The following NRXN1 variants were observed in gnomAD, a reference collection of about 807,000 sequenced individuals.
The protein encoded by NRXN1 is neurexin-1.
In NRXN1, 39 loss-of-function variants were observed where a neutral mutation model predicts 150.9. The observed-to-expected ratio is 0.26, with a 90% CI of 0.20 to 0.34. The LOEUF is 0.34. NRXN1 is among the 10% of genes least tolerant of loss of function. NRXN1 has a pLI of 1.00. For missense variants in NRXN1, 1,815 were observed against 1,949.9 expected, an observed-to-expected ratio of 0.93 and a Z score of 1.30; for synonymous variants, 924 against 757.0, an observed-to-expected ratio of 1.22 and a Z score of -3.62.
chr2:50,850,201 C>T (rs1674311408), intron 5 of NRXN1, among the ~76,000 whole-genome samples: 2 of 148,830 alleles, frequency 1.3e-5, no homozygotes, highest in Non-Finnish European at 3.0e-5. Flanking sequence ...GCACTCCAGC[C>T]TGGGCAACAG....
chr2:50,424,929 T>C (rs551303644), intron 17 of NRXN1, among the ~76,000 whole-genome samples: 4 of 152,350 alleles, frequency 2.6e-5, no homozygotes, highest in African/African-American at 9.6e-5. Flanking sequence ...ACCAATTCAC[T>C]GTAGTTCTTC....
intron 19 of NRXN1, among the ~76,000 whole-genome samples, chr2:50,070,150 G>A (rs1013885173): frequency 3.3e-5 from 5 of 151,636 alleles, no homozygotes; most frequent in African/African-American, 7.3e-5. Context: ...GCGCCTGGCC[G>A]AGATTTCAGT....
chr2:50,140,248 G>T (rs1158840047), intron 18 of NRXN1, among the ~76,000 whole-genome samples: 1 of 151,996 alleles, frequency 6.6e-6, no homozygotes, highest in Non-Finnish European at 1.5e-5. Context: ...TGACTTCAGG[G>T]ACCAATACAA....
At chr2:50,578,967 A>C (rs1383271904) in intron 8 of NRXN1, among the ~76,000 whole-genome samples, 2 of 152,178 alleles carry the variant, frequency 1.3e-5, no homozygotes, top group Non-Finnish European at 2.9e-5. Flanking sequence ...GATACCATGT[A>C]ACCATCACTT....
At chr2:50,861,869 A>G (rs1273403435) in intron 5 of NRXN1, among the ~76,000 whole-genome samples, 1 of 152,056 alleles carries the variant, frequency 6.6e-6, no homozygotes. Flanking sequence ...TAGATTGTTT[A>G]GTCACTCGAA....
chr2:50,863,318 C>T (rs1676404605), intron 5 of NRXN1, among the ~76,000 whole-genome samples: 1 of 152,004 alleles, frequency 6.6e-6, no homozygotes, highest in African/African-American at 2.4e-5. Flanking sequence ...ATTACACCAC[C>T]GCAGCAATTT....
chr2:50,139,396 G>A (rs934466113), intron 18 of NRXN1, among the ~76,000 whole-genome samples: 1 of 150,568 alleles, frequency 6.6e-6, no homozygotes, highest in African/African-American at 2.4e-5. Context: ...ATTCCATCAC[G>A]TAGGATGATG....
At chr2:49,961,269 C>G (rs146904107) in intron 21 of NRXN1, among the ~76,000 whole-genome samples, 433 of 151,886 alleles carry the variant, frequency 2.9e-3, no homozygotes, top group African/African-American at 0.01. Context: ...ATTTAAAATT[C>G]GCATTGTTGC....
intron 18 of NRXN1, among the ~76,000 whole-genome samples, chr2:50,209,110 C>T (rs1309078585): frequency 1.3e-5 from 2 of 152,086 alleles, no homozygotes; most frequent in Non-Finnish European, 2.9e-5. Context: ...GTGAACTACT[C>T]TAAACACTGA....
chr2:50,540,646 G>A (rs932272802), intron 9 of NRXN1, among the ~76,000 whole-genome samples: 5 of 151,914 alleles, frequency 3.3e-5, no homozygotes, highest in African/African-American at 1.2e-4. Flanking sequence ...TACATGCAAT[G>A]AACAAAGTGC....
intron 21 of NRXN1, among the ~76,000 whole-genome samples, chr2:50,041,090 T>G (rs1819972): frequency 0.77 from 117,071 of 152,024 alleles, 45,276 homozygotes; most frequent in Middle Eastern, 0.81. Flanking sequence ...TTAATATATT[T>G]TATTTTCAAA....
intron 12 of NRXN1, among the ~76,000 whole-genome samples, chr2:50,510,738 T>C (rs1268179941): frequency 6.6e-6 from 1 of 152,132 alleles, no homozygotes; most frequent in Admixed American, 6.6e-5. Flanking sequence ...CAGTAAGAAG[T>C]AGAGAGAAGA....
At chr2:50,722,668 T>A (rs1019188397) in intron 5 of NRXN1, among the ~76,000 whole-genome samples, 28 of 152,184 alleles carry the variant, frequency 1.8e-4, no homozygotes, top group Non-Finnish European at 5.9e-5. Context: ...ATGTTTTGTA[T>A]AGTGAATATG....
At chr2:49,934,304 C>T (rs924617167) in intron 22 of NRXN1, among the ~76,000 whole-genome samples, 4 of 151,942 alleles carry the variant, frequency 2.6e-5, no homozygotes, top group African/African-American at 4.8e-5. Context: ...GCACAGTGTA[C>T]TCCGGATGAA....
chr2:50,929,106 A>C (rs1016466056), intron 2 of NRXN1, among the ~76,000 whole-genome samples: 1 of 152,056 alleles, frequency 6.6e-6, no homozygotes, highest in Non-Finnish European at 1.5e-5. Flanking sequence ...TTTTAAAATC[A>C]CTGTAAAAGA....
chr2:50,657,661 C>G (rs561543690), intron 5 of NRXN1, among the ~76,000 whole-genome samples: 2 of 152,108 alleles, frequency 1.3e-5, no homozygotes, highest in South Asian at 2.1e-4. Flanking sequence ...AAGGCACAGC[C>G]TGGATTGAAG....
chr2:50,836,442 C>T (rs1440298325), intron 5 of NRXN1, among the ~76,000 whole-genome samples: 2 of 152,012 alleles, frequency 1.3e-5, no homozygotes, highest in Non-Finnish European at 2.9e-5. Flanking sequence ...TCTATGGAAA[C>T]TTTGTACTCT....
At chr2:50,419,103 C>T (rs2083773162) in intron 17 of NRXN1, among the ~76,000 whole-genome samples, 1 of 152,020 alleles carries the variant, frequency 6.6e-6, no homozygotes, top group African/African-American at 2.4e-5. Flanking sequence ...AACTCAATGA[C>T]TTCTGAATCA....
In NRXN1 at chr2:49,922,247, G is replaced by T; in HGVS notation, c.4221C>A (p.Asn1407Lys). ...GCTCTCTGCCGCCTGCTCGGGTTGGGTTGGCTATAGAAAAGAGGATGAGAA... is the reference window on the plus strand; with the variant it reads ...GCTCTCTGCCGCCTGCTCGGGTTGGTTTGGCTATAGAAAAGAGGATGAGAA... Reference protein sequence around the residue: ...PCEPSSGGLANPTRAGGREPY... With the variant: ...PCEPSSGGLAKPTRAGGREPY... Residue 1407 changes from asparagine to lysine, a missense_variant, in exon 23 of 23, where the codon AAC becomes AAA. Coordinates refer to ENST00000401669, the MANE Select transcript of NRXN1 (RefSeq NM_001330078.2). 6.2e-7 allele frequency: 1 copy of T among 1,613,022 alleles called. No individual in the cohort carries two copies. Among genetic ancestry groups the T allele is most frequent in the Non-Finnish European group, 8.5e-7 (1 of 1,179,374 alleles).
Sources: gnomAD v4.1 joint callset for allele counts (sites outside exome capture counted in the v4.1 genomes callset) on GRCh38, gnomAD v4.1.1 for gene constraint, MANE v1.5 for transcripts, NCBI Gene and HGNC (gene_info 2026-07-23, HGNC 2026-07-21) for gene names.